Variants in CNKSR2 observed in about 807,000 individuals in gnomAD.
CNKSR2 encodes the protein CNK homolog protein 2.
CNKSR2 carries 14 observed loss-of-function variants against 84.4 expected under a neutral mutation model. That is an observed-to-expected ratio of 0.17 (90% CI 0.11 to 0.26). The LOEUF (loss-of-function observed/expected upper bound fraction) is 0.26. CNKSR2 is among the 10% of genes least tolerant of loss of function. The pLI, the probability that CNKSR2 is intolerant of heterozygous loss-of-function variation, is 1.00. For missense variants in CNKSR2, 485 were observed against 771.2 expected, an observed-to-expected ratio of 0.63 and a Z score of 4.40; for synonymous variants, 275 against 277.9, an observed-to-expected ratio of 0.99 and a Z score of 0.10.
chrX:21,490,131 G>A (rs2091426776), intron 5 of CNKSR2, among the ~76,000 whole-genome samples: 1 of 111,654 alleles, frequency 9.0e-6, no homozygotes, highest in South Asian at 3.7e-4. Context: ...GTTCAATCTT[G>A]TGGTTGTAAT....
intron 21 of CNKSR2, 64 bp from the exon 22 acceptor site, chrX:21,652,242 T>A: frequency 1.0e-6 from 1 of 1,001,400 alleles, no homozygotes; most frequent in Non-Finnish European, 1.4e-6. Flanking sequence ...CCTATTAACT[T>A]TTTATTTTAA....
intron 20 of CNKSR2, among the ~76,000 whole-genome samples, chrX:21,626,332 G>T (rs1160970644): frequency 9.1e-6 from 1 of 109,596 alleles, no homozygotes; most frequent in African/African-American, 3.3e-5. Context: ...GGTATTTAGT[G>T]TAGATGAGTA....
chrX:21,506,294 G>A (rs1323296186), intron 8 of CNKSR2: 1 of 111,339 alleles, frequency 9.0e-6, no homozygotes, highest in East Asian at 2.8e-4. Flanking sequence ...TTCTCTTTTG[G>A]GAGGGGGAAA....
chrX:21,500,914 A>G (rs986949501), intron 7 of CNKSR2, among the ~76,000 whole-genome samples: 5 of 111,694 alleles, frequency 4.5e-5, no homozygotes, highest in Admixed American at 1.9e-4. Context: ...GATTTGAACT[A>G]ATTGCTGTCC....
intron 2 of CNKSR2, chrX:21,427,436 A>G (rs998319378): frequency 8.9e-6 from 1 of 111,754 alleles, no homozygotes; most frequent in Admixed American, 9.5e-5. Context: ...GGGAATATAA[A>G]GCAAATTTCT....
chrX:21,598,866 T>G (rs2092464709), intron 17 of CNKSR2, among the ~76,000 whole-genome samples: 1 of 112,802 alleles, frequency 8.9e-6, no homozygotes, highest in Admixed American at 9.4e-5. Flanking sequence ...AATCAGTTGA[T>G]GCATATGTGT....
At chrX:21,481,281 A>G (rs1213270885) in intron 5 of CNKSR2, among the ~76,000 whole-genome samples, 2 of 112,183 alleles carry the variant, frequency 1.8e-5, no homozygotes, top group African/African-American at 3.2e-5. Context: ...TCCCCAGATC[A>G]TGGAGCTAGT....
chrX:21,539,039 C>T (rs2091954119), intron 11 of CNKSR2: 1 of 112,050 alleles, frequency 8.9e-6, no homozygotes, highest in African/African-American at 3.2e-5. Flanking sequence ...ACTTTGAATC[C>T]TTCAATCCAA....
At chrX:21,483,882 T>TA (rs1330914537) in intron 5 of CNKSR2, among the ~76,000 whole-genome samples, 1 of 111,194 alleles carries the variant, frequency 9.0e-6, no homozygotes, top group East Asian at 2.8e-4. Context: ...TGATATTTTA[T>TA]AAAAAACAAA....
chrX:21,522,609 A>G (rs1569220424), intron 9 of CNKSR2, among the ~76,000 whole-genome samples: 1 of 110,937 alleles, frequency 9.0e-6, no homozygotes, highest in Non-Finnish European at 1.9e-5. Flanking sequence ...CTTTAAGACT[A>G]TAGAGATTTC....
Position 21,652,898 on chromosome X carries a change from T to G in CNKSR2, c.*377T>G. 1 of 123,076 alleles carries G rather than the reference T, an allele frequency of 8.1e-6. No individual in the cohort carries two copies. The highest frequency in any genetic ancestry group is 2.4e-4 in the East Asian group (1 of 4,105). 10.1% of individuals were successfully genotyped at this position (123,076 alleles called of 1,213,427 possible). A position where few individuals can be genotyped will look rare whatever the true frequency, so the allele number is the denominator to read the frequency against. On this transcript the variant is annotated 3_prime_UTR_variant, in exon 22 of 22. Transcript: ENST00000379510. ...ACAAGACTTCAAAAGTAAATCACAT[T>G]TTTTCAGGTGCAGACATCCTTGTGG...
At position 21,604,661 on chromosome X, in the gene CNKSR2, G is replaced by T. The variant is rs2092505586; in HGVS notation, c.2045-2118G>T. 2.7e-5 allele frequency among the ~76,000 whole-genome samples: 3 copies of T among 110,982 alleles called. No individual in the cohort carries two copies. The Admixed American group carries it at 2.9e-4, about 11-fold the overall frequency. On this transcript the variant is annotated intron_variant, in intron 18 of 21. Transcript: ENST00000379510. ...GGACCACTTGAGGTATTAACGCCTT[G>T]AAGGCATCAGTGCAAACATCAAGGA...
chrX:21,543,915 C>T (rs2091998489), intron 11 of CNKSR2, among the ~76,000 whole-genome samples: 2 of 110,860 alleles, frequency 1.8e-5, no homozygotes, highest in Non-Finnish European at 3.8e-5. Flanking sequence ...CTCCACCTCT[C>T]GGGTTCAAGC....
At chrX:21,530,663 G>A (rs2091877679) in intron 10 of CNKSR2, among the ~76,000 whole-genome samples, 1 of 110,819 alleles carries the variant, frequency 9.0e-6, no homozygotes, top group African/African-American at 3.3e-5. Flanking sequence ...AAACAATTAA[G>A]AACAAGGAAG....
chrX:21,398,782 CTA>C (rs2090151316), intron 1 of CNKSR2, among the ~76,000 whole-genome samples: 1 of 111,892 alleles, frequency 8.9e-6, no homozygotes, highest in African/African-American at 3.2e-5. Context: ...AAACTGAAAT[CTA>C]TGACTTTATA....
At chrX:21,648,520 T>C (rs1167080041) in intron 20 of CNKSR2, among the ~76,000 whole-genome samples, 2 of 111,334 alleles carry the variant, frequency 1.8e-5, no homozygotes, top group Admixed American at 9.6e-5. Flanking sequence ...GGACTCAAGA[T>C]ATATATGGCA....
At chrX:21,497,964 A>T (rs1317748148) in intron 7 of CNKSR2, 118 bp downstream of exon 7, 1 of 415,892 alleles carries the variant, frequency 2.4e-6, no homozygotes, top group East Asian at 4.0e-5. Flanking sequence ...CAGATAGTAG[A>T]TACAATTTAA....
chrX:21,379,602 A>G (rs779235437), intron 1 of CNKSR2, among the ~76,000 whole-genome samples: 6 of 112,405 alleles, frequency 5.3e-5, no homozygotes, highest in Non-Finnish European at 1.1e-4. Context: ...AGTGCAGATT[A>G]GGAACAAGGA....
At chrX:21,422,678 T>C (rs942188542) in intron 1 of CNKSR2, among the ~76,000 whole-genome samples, 1 of 112,275 alleles carries the variant, frequency 8.9e-6, no homozygotes, top group African/African-American at 3.2e-5. Context: ...ATTGAAGGTG[T>C]TGTTTATTAC....
Sources: allele counts gnomAD v4.1 joint callset (sites outside exome capture counted in the v4.1 genomes callset), GRCh38; gene constraint gnomAD v4.1.1; transcripts MANE v1.5; gene names NCBI Gene and HGNC (gene_info 2026-07-23, HGNC 2026-07-21).